FOXN2: variants seen among roughly 807,000 people sequenced by gnomAD.
The protein encoded by FOXN2 is forkhead box N2, also known as forkhead box protein N2.
FOXN2 carries 19 observed loss-of-function variants against 41.2 expected under a neutral mutation model. The ratio of observed to expected loss-of-function variants is 0.46; its 90% confidence interval spans 0.32 to 0.68. FOXN2 has a LOEUF of 0.68. Among genes scored for constraint, FOXN2 ranks in the 30% least tolerant of loss-of-function variants. The pLI, the probability that FOXN2 is intolerant of heterozygous loss-of-function variation, is 0.03. For synonymous variants in FOXN2, 195 were observed against 176.8 expected, an observed-to-expected ratio of 1.10 and a Z score of -0.82; for missense variants, 587 against 509.4, an observed-to-expected ratio of 1.15 and a Z score of -1.47.
At chr2:48,315,398 C>T (rs548849067) in intron 1 of FOXN2, among the ~76,000 whole-genome samples, 1 of 152,106 alleles carries the variant, frequency 6.6e-6, no homozygotes, top group African/African-American at 2.4e-5. Flanking sequence ...AGGCGGGTCC[C>T]GGGTGTGTGT....
At chr2:48,371,373 G>GTCCA (rs1672885335) in intron 5 of FOXN2, among the ~76,000 whole-genome samples, 2 of 152,038 alleles carry the variant, frequency 1.3e-5, no homozygotes, top group African/African-American at 4.8e-5. Flanking sequence ...TTCCAGCCTG[G>GTCCA]GTGGCAGGGC....
chr2:48,317,460 AT>A (rs887119674), intron 1 of FOXN2, among the ~76,000 whole-genome samples: 27 of 148,404 alleles, frequency 1.8e-4, no homozygotes, highest in African/African-American at 4.5e-4. Context: ...AAAAAAAAAA[AT>A]TTTTTTTTTG....
chr2:48,350,332 T>C (rs1267121779), intron 3 of FOXN2, among the ~76,000 whole-genome samples: 1 of 152,232 alleles, frequency 6.6e-6, no homozygotes, highest in African/African-American at 2.4e-5. Flanking sequence ...CCTTTCCCAG[T>C]GGCAGCAGTT....
chr2:48,350,305 A>G (rs1425937618), intron 3 of FOXN2, among the ~76,000 whole-genome samples: 1 of 152,254 alleles, frequency 6.6e-6, no homozygotes, highest in African/African-American at 2.4e-5. Context: ...GTCTTGGACA[A>G]AAGTGAGTGA....
At position 48,346,337 on chromosome 2, in the gene FOXN2, G is replaced by A; in HGVS notation, c.123G>A (p.Arg41=). Residue 41 remains arginine (R), a synonymous_variant, in exon 3 of 7, where the codon AGG becomes AGA. Transcript: ENST00000340553. ...GSLPEAVDAA[R]PKATLVDSES... ...TGCCTGAAGCTGTTGATGCTGCCAG[G>A]CCGAAGGCCACTCTAGTGGACAGTG... is the stretch of plus-strand genomic sequence containing the variant. The A allele has an allele frequency of 6.2e-7, 1 of 1,614,190 alleles. No homozygotes were observed. The highest frequency in any genetic ancestry group is 8.5e-7 in the Non-Finnish European group (1 of 1,180,024).
chr2:48,334,918 C>A (rs996546619), intron 2 of FOXN2, among the ~76,000 whole-genome samples: 2 of 152,154 alleles, frequency 1.3e-5, no homozygotes, highest in African/African-American at 4.8e-5. Context: ...AAATGTGCTA[C>A]CACAAACCAG....
At chr2:48,318,524 G>GACA (rs1402789363) in intron 1 of FOXN2, among the ~76,000 whole-genome samples, 1 of 152,140 alleles carries the variant, frequency 6.6e-6, no homozygotes, top group Non-Finnish European at 1.5e-5. Flanking sequence ...TCAGGTGGTT[G>GACA]AGGTCTTTGT....
At chr2:48,321,525 C>T (rs1415076876) in intron 1 of FOXN2, among the ~76,000 whole-genome samples, 2 of 151,730 alleles carry the variant, frequency 1.3e-5, no homozygotes, top group East Asian at 3.9e-4. Flanking sequence ...GACAGAGCAA[C>T]ACTCCATCTC....
At chr2:48,360,903 A>C (rs985352115) in intron 4 of FOXN2, among the ~76,000 whole-genome samples, 54 of 150,896 alleles carry the variant, frequency 3.6e-4, no homozygotes, top group African/African-American at 1.3e-3. Flanking sequence ...GGTCCCAGCT[A>C]CTCAGGAGGG....
intron 1 of FOXN2, among the ~76,000 whole-genome samples, chr2:48,327,808 CAG>C (rs1219563610): frequency 1.3e-5 from 2 of 152,148 alleles, no homozygotes; most frequent in Non-Finnish European, 1.5e-5. Flanking sequence ...ATTTTTAAGT[CAG>C]AGTACGTATG....
intron 2 of FOXN2, among the ~76,000 whole-genome samples, chr2:48,343,269 T>C (rs920569633): frequency 2.0e-5 from 3 of 152,220 alleles, no homozygotes; most frequent in African/African-American, 7.2e-5. Flanking sequence ...TTTTTATTGT[T>C]ACCATTTAGG....
intron 4 of FOXN2, among the ~76,000 whole-genome samples, chr2:48,360,809 G>A (rs1253083464): frequency 1.4e-5 from 2 of 138,968 alleles, no homozygotes; most frequent in African/African-American, 5.3e-5. Flanking sequence ...TTTTTTTGCT[G>A]AAGATTAAGC....
intron 6 of FOXN2, among the ~76,000 whole-genome samples, chr2:48,373,695 C>T (rs1572785599): frequency 6.6e-6 from 1 of 152,126 alleles, no homozygotes. Flanking sequence ...GAAAAGCTTT[C>T]TTTAAGATAC....
intron 3 of FOXN2, among the ~76,000 whole-genome samples, chr2:48,347,054 T>G (rs1267974908): frequency 6.6e-6 from 1 of 152,126 alleles, no homozygotes; most frequent in Non-Finnish European, 1.5e-5. Flanking sequence ...CTTTATTCAA[T>G]ATGATAATCT....
chr2:48,360,575 A>G (rs1672108565), intron 4 of FOXN2, among the ~76,000 whole-genome samples: 2 of 152,192 alleles, frequency 1.3e-5, no homozygotes, highest in Non-Finnish European at 2.9e-5. Context: ...TTACCATATT[A>G]TAGATTAGAT....
chr2:48,320,329 C>T (rs1292212716), intron 1 of FOXN2, among the ~76,000 whole-genome samples: 1 of 150,736 alleles, frequency 6.6e-6, no homozygotes, highest in African/African-American at 2.4e-5. Flanking sequence ...TGTGCTCTGT[C>T]GCCCATGTTG....
intron 2 of FOXN2, among the ~76,000 whole-genome samples, chr2:48,331,759 G>A (rs1376444310): frequency 6.6e-6 from 1 of 151,238 alleles, no homozygotes; most frequent in Non-Finnish European, 1.5e-5. Flanking sequence ...TGAGGTTGCA[G>A]TGAGCTATGA....
intron 1 of FOXN2, among the ~76,000 whole-genome samples, chr2:48,319,185 G>T (rs555334017): frequency 3.3e-5 from 5 of 151,588 alleles, no homozygotes; most frequent in Non-Finnish European, 7.4e-5. Context: ...GCTTTGAAAG[G>T]TGTGTTGGAG....
At position 48,377,348 on chromosome 2, in the gene FOXN2, T is replaced by G. The variant is rs1327844407; in HGVS notation, c.*1905T>G. 5 of 152,016 alleles carry G rather than the reference T, an allele frequency of 3.3e-5. No individual in the cohort carries two copies. Among genetic ancestry groups the G allele is most frequent in the Non-Finnish European group, 5.9e-5 (4 of 67,888 alleles). The allele number at this position is 152,016 out of a possible 1,614,324, so 9.4% of individuals were successfully genotyped here. A position where few individuals can be genotyped will look rare whatever the true frequency, so the allele number is the denominator to read the frequency against. On this transcript the variant is annotated 3_prime_UTR_variant, in exon 7 of 7. Coordinates refer to ENST00000340553, the MANE Select transcript of FOXN2 (RefSeq NM_002158.4). ...CAGTATAAATAATAGATTATACACA[T>G]CATCTTAATAACTATTTTTAAGTTA...
Sources: allele counts gnomAD v4.1 joint callset (sites outside exome capture counted in the v4.1 genomes callset), GRCh38; gene constraint gnomAD v4.1.1; transcripts MANE v1.5; gene names NCBI Gene and HGNC (gene_info 2026-07-23, HGNC 2026-07-21).